CASZ1: variants seen among roughly 807,000 people sequenced by gnomAD.
CASZ1 encodes zinc finger protein castor homolog 1.
CASZ1 carries 28 observed loss-of-function variants against 135.2 expected under a neutral mutation model. The ratio of observed to expected loss-of-function variants is 0.21; its 90% confidence interval spans 0.15 to 0.28. The LOEUF (loss-of-function observed/expected upper bound fraction) is 0.28, where lower values mean the gene tolerates loss of function less well. CASZ1 is among the 10% of genes least tolerant of loss of function. The pLI is 1.00. For synonymous variants in CASZ1, 1,068 were observed against 1,073.4 expected (o/e 0.99, Z 0.10); for missense variants, 2,161 against 2,453.3 (o/e 0.88, Z 2.52).
chr1:10,669,302 C>T (rs1480179648), intron 4 of CASZ1, among the ~76,000 whole-genome samples: 1 of 152,222 alleles, frequency 6.6e-6, no homozygotes, highest in Non-Finnish European at 1.5e-5. Flanking sequence ...AAATCCCAGG[C>T]CTCTCTGCGG....
intron 1 of CASZ1, among the ~76,000 whole-genome samples, chr1:10,769,585 C>T (rs1188766380): frequency 3.9e-5 from 6 of 152,098 alleles, no homozygotes; most frequent in African/African-American, 9.7e-5. Flanking sequence ...GGGGTGATCT[C>T]GGCTCACTGC....
chr1:10,703,459 C>T (rs1639105913), intron 3 of CASZ1, among the ~76,000 whole-genome samples: 1 of 152,182 alleles, frequency 6.6e-6, no homozygotes, highest in African/African-American at 2.4e-5. Flanking sequence ...TCAACCTTCA[C>T]AGCTTCTCCC....
rs1009113955 is a variant in CASZ1 at position 10,660,073 on chromosome 1, C to G, written c.969G>C (p.Glu323Asp). 4 of 1,614,182 alleles carry G rather than the reference C, an allele frequency of 2.5e-6. No homozygotes were observed. In the African/African-American group the frequency reaches 4.0e-5, roughly 16 times the overall value. Residue 323 changes from glutamate to aspartate, a missense_variant, in exon 6 of 21, where the codon GAG (glutamate) becomes GAC (aspartate). By Grantham distance (45) the Glu-to-Asp change is conservative. This residue lies in a region of CASZ1 where 590 missense variants were observed against 609.8 expected (regional missense o/e 0.97). Transcript: ENST00000377022. Reference protein sequence around the residue: ...DFFIQKLKTGENLRPQNGSTY... With the variant: ...DFFIQKLKTGDNLRPQNGSTY... ...TGCTCCCGTTCTGGGGCCGCAGATT[C>G]TCGCCGGTCTTCAGTTTTTGGATGA...
In CASZ1 at chr1:10,679,342, G is replaced by A. The variant is rs531171131; in HGVS notation, c.17-13771C>T. On this transcript the variant is annotated intron_variant, in intron 4 of 20. Coordinates refer to ENST00000377022, the MANE Select transcript of CASZ1 (RefSeq NM_001079843.3). This position sits in a 1 kb window ranked among gnomAD's most constrained non-coding sequence, Gnocchi z 4.7. Reference sequence around the variant, plus strand: ...GCCCCAGGAAGCGGTCCCTCTCCCAGCAGGCGGAAACACTCCCAACCCCGG... The same window carrying A: ...GCCCCAGGAAGCGGTCCCTCTCCCAACAGGCGGAAACACTCCCAACCCCGG... Among the ~76,000 whole-genome samples, 1 of 152,276 alleles carries A rather than the reference G, an allele frequency of 6.6e-6. No individual in the cohort carries two copies. The highest frequency in any genetic ancestry group is 2.4e-5 in the African/African-American group (1 of 41,552).
intron 17 of CASZ1, among the ~76,000 whole-genome samples, chr1:10,645,875 C>T (rs759836945): frequency 4.6e-5 from 7 of 152,266 alleles, no homozygotes; most frequent in Non-Finnish European, 8.8e-5. Flanking sequence ...GTCAAGGGCA[C>T]GGTGGCTGCC....
chr1:10,790,564 C>T (rs901759504), intron 1 of CASZ1, among the ~76,000 whole-genome samples: 4 of 152,212 alleles, frequency 2.6e-5, no homozygotes, highest in Admixed American at 2.0e-4. Context: ...TTCTCTTCTC[C>T]TCTTCAGAAA....
intron 5 of CASZ1, 165 bp from the exon 6 acceptor site, chr1:10,660,701 TTAAA>T: frequency 1.7e-6 from 1 of 575,684 alleles, no homozygotes; most frequent in Non-Finnish European, 3.1e-6. Context: ...TTTACGACTC[TTAAA>T]TTAATTTGTT....
chr1:10,700,463 G>A lies in CASZ1; in HGVS notation c.-24+5029C>T, dbSNP rs1290664696. On this transcript the variant is annotated intron_variant, in intron 3 of 20. Transcript: ENST00000377022. This position sits in a 1 kb window ranked among gnomAD's most constrained non-coding sequence, Gnocchi z 4.2. ...GAGCTGCCAGCGTACTTGGGGAGAA[G>A]ACACGTGTGCTGCTGCCTGAGTCTA... Among the ~76,000 whole-genome samples, 5 of 152,194 alleles carry A rather than the reference G, an allele frequency of 3.3e-5. No individual in the cohort carries two copies. Among genetic ancestry groups the A allele is most frequent in the Admixed American group, 3.3e-4 (5 of 15,284 alleles).
chr1:10,676,911 A>C lies in CASZ1; in HGVS notation c.17-11340T>G, dbSNP rs552289908. 6.6e-6 allele frequency among the ~76,000 whole-genome samples: 1 copy of C among 152,222 alleles called. No individual in the cohort carries two copies. Among genetic ancestry groups the C allele is most frequent in the Non-Finnish European group, 1.5e-5 (1 of 67,998 alleles). On this transcript the variant is annotated intron_variant, in intron 4 of 20. Transcript: ENST00000377022. This position sits in a 1 kb window ranked among gnomAD's most constrained non-coding sequence, Gnocchi z 4.5. ...GCACTCTGTCCGGGCTGAACCCCAT[A>C]CTGCCTGGCTCTGCCACTGCCTCTC... is the stretch of plus-strand genomic sequence containing the variant.
At chr1:10,703,349 C>T (rs1639103450) in intron 3 of CASZ1, among the ~76,000 whole-genome samples, 1 of 152,122 alleles carries the variant, frequency 6.6e-6, no homozygotes, top group Non-Finnish European at 1.5e-5. Flanking sequence ...AGGGCCTTCT[C>T]AGCCAGACTG....
In CASZ1 at chr1:10,682,954, C is replaced by T. The variant is rs545442; in HGVS notation, c.16+10920G>A. On this transcript the variant is annotated intron_variant, in intron 4 of 20. Transcript: ENST00000377022. ...TGCCTGGCTCTCCAGGCCTGCCTGT[C>T]CATTCTAGCTATTCCACTCGGTCCT... 9.1e-3 allele frequency among the ~76,000 whole-genome samples: 1,380 copies of T among 152,354 alleles called. 21 individuals carry two copies. The highest frequency in any genetic ancestry group is 0.04 in the East Asian group (208 of 5,178).
intron 1 of CASZ1, among the ~76,000 whole-genome samples, chr1:10,793,348 A>T (rs1275361319): frequency 1.3e-5 from 2 of 152,154 alleles, no homozygotes; most frequent in Non-Finnish European, 2.9e-5. Flanking sequence ...ACTTGCCACA[A>T]AGCGTAAGGC....
At chr1:10,745,667 G>A (rs77813946) in intron 2 of CASZ1, among the ~76,000 whole-genome samples, 2,017 of 152,328 alleles carry the variant, frequency 0.013, 40 homozygotes, top group African/African-American at 0.041. Flanking sequence ...AGTCCTGGGT[G>A]TGGATTTTGG....
rs961469587 is a variant in CASZ1, at chr1:10,636,871, T to C, written c.*2071A>G. The C allele has an allele frequency of 8.5e-5, 13 of 152,060 alleles. No homozygotes were observed. The South Asian group carries it at 2.3e-3, about 27-fold the overall frequency. 9.4% of individuals were successfully genotyped at this position (152,060 alleles called of 1,614,324 possible). A position where few individuals can be genotyped will look rare whatever the true frequency, so the allele number is the denominator to read the frequency against. ...ATCTCTATATATCTATATATGTATATACATATAGATATATACACACACATA... is the reference window on the plus strand; with the variant it reads ...ATCTCTATATATCTATATATGTATACACATATAGATATATACACACACATA... On this transcript the variant is annotated 3_prime_UTR_variant, in exon 21 of 21. Coordinates refer to ENST00000377022, the MANE Select transcript of CASZ1 (RefSeq NM_001079843.3).
rs983096085 is a variant in CASZ1 at position 10,700,867 on chromosome 1, T to C, written c.-24+4625A>G. The stretch of plus-strand genomic sequence containing the variant: ...ACCTTGTGAATATCCTAAAAACCAC[T>C]GAATTGTACATTTTAAAAAGGTGAA... On this transcript the variant is annotated intron_variant, in intron 3 of 20. Transcript: ENST00000377022. This position sits in a 1 kb window ranked among gnomAD's most constrained non-coding sequence, Gnocchi z 4.2. Among the ~76,000 whole-genome samples, 2 of 152,200 alleles carry C rather than the reference T, an allele frequency of 1.3e-5. No individual in the cohort carries two copies. Among genetic ancestry groups the C allele is most frequent in the African/African-American group, 2.4e-5 (1 of 41,438 alleles).
In CASZ1 at chr1:10,757,130, C is replaced by T. The variant is rs1640274647; in HGVS notation, c.-77+3571G>A. ...CCGACCCACTCAAACGAGCCTTTCT[C>T]AGCACCCAGCATGGTTCCAAGATGG... is the stretch of plus-strand genomic sequence containing the variant. On this transcript the variant is annotated intron_variant, in intron 2 of 20. Coordinates refer to ENST00000377022, the MANE Select transcript of CASZ1 (RefSeq NM_001079843.3). This position sits in a 1 kb window ranked among gnomAD's most constrained non-coding sequence, Gnocchi z 4.6. Among the ~76,000 whole-genome samples, 1 of 152,194 alleles carries T rather than the reference C, an allele frequency of 6.6e-6. No individual in the cohort carries two copies. Among genetic ancestry groups the T allele is most frequent in the Admixed American group, 6.5e-5 (1 of 15,280 alleles).
At chr1:10,728,692 A>G (rs1449364446) in intron 2 of CASZ1, among the ~76,000 whole-genome samples, 2 of 152,044 alleles carry the variant, frequency 1.3e-5, no homozygotes, top group Admixed American at 6.6e-5. Context: ...CCGGCTTGAA[A>G]AAAAGCCTCG....
chr1:10,753,789 T>G lies in CASZ1; in HGVS notation c.-77+6912A>C, dbSNP rs1041158467. On this transcript the variant is annotated intron_variant, in intron 2 of 20. Coordinates refer to ENST00000377022, the MANE Select transcript of CASZ1 (RefSeq NM_001079843.3). ...TCAAGAAGGGCGATCCGGGCACATATGCGACCTGTGAGAGGCGGAGTCGGT... is the reference window on the plus strand; with the variant it reads ...TCAAGAAGGGCGATCCGGGCACATAGGCGACCTGTGAGAGGCGGAGTCGGT... Among the ~76,000 whole-genome samples, 70 of 152,108 alleles carry G rather than the reference T, an allele frequency of 4.6e-4. 1 individual carries two copies. The highest frequency in any genetic ancestry group is 1.6e-3 in the African/African-American group (66 of 41,396).
At chr1:10,754,260 C>T (rs1640204374) in intron 2 of CASZ1, among the ~76,000 whole-genome samples, 1 of 152,208 alleles carries the variant, frequency 6.6e-6, no homozygotes, top group African/African-American at 2.4e-5. Flanking sequence ...CCACGCATCG[C>T]CATCCAGCAC....
Sources: allele counts gnomAD v4.1 joint callset (sites outside exome capture counted in the v4.1 genomes callset), GRCh38; gene constraint gnomAD v4.1.1; regional missense constraint gnomAD v4.1.1; non-coding constraint Gnocchi (gnomAD v3.1); transcripts MANE v1.5; gene names NCBI Gene and HGNC (gene_info 2026-07-23, HGNC 2026-07-21).